The following ADGRA3 variants were observed in gnomAD, a reference collection of about 807,000 sequenced individuals.
The protein encoded by ADGRA3 is adhesion G protein-coupled receptor A3.
ADGRA3 carries 56 observed loss-of-function variants against 119.8 expected under a neutral mutation model. That is an observed-to-expected ratio of 0.47 (90% CI 0.38 to 0.58). ADGRA3 has a LOEUF of 0.58. Ranked by LOEUF, ADGRA3 falls within the 20% of genes least tolerant of loss-of-function variation. ADGRA3 has a pLI of 0.00. For synonymous variants in ADGRA3, 607 were observed against 623.8 expected (o/e 0.97, Z 0.40); for missense variants, 1,516 against 1,649.0 (o/e 0.92, Z 1.40).
At chr4:22,449,701 CCA>C (rs1351514458) in intron 4 of ADGRA3, among the ~76,000 whole-genome samples, 1 of 151,926 alleles carries the variant, frequency 6.6e-6, no homozygotes. Context: ...CAAAAATTAG[CCA>C]GGTGTGATGG....
At chr4:22,462,428 C>T (rs1560329741) in intron 2 of ADGRA3, among the ~76,000 whole-genome samples, 2 of 152,092 alleles carry the variant, frequency 1.3e-5, no homozygotes. Context: ...ATTCTCGTGC[C>T]TCAGCCTCCT....
intron 16 of ADGRA3, among the ~76,000 whole-genome samples, chr4:22,396,570 G>T (rs931345048): frequency 6.6e-6 from 1 of 152,098 alleles, no homozygotes; most frequent in African/African-American, 2.4e-5. Flanking sequence ...CAGCTACTAG[G>T]ATCTGGAATC....
In ADGRA3 at chr4:22,515,947, G is replaced by T; in HGVS notation, c.-163C>A. On this transcript the variant is annotated 5_prime_UTR_variant, in exon 1 of 19. Coordinates refer to ENST00000334304, the MANE Select transcript of ADGRA3 (RefSeq NM_145290.4). ...GCGCGGACATGCTCCTTTGTCCGCT[G>T]CGGCTGCGCTGGGCCTCTAGGGAGC... 3.5e-6 allele frequency: 1 copy of T among 289,718 alleles called. No individual in the cohort carries two copies. Among genetic ancestry groups the T allele is most frequent in the Non-Finnish European group, 5.2e-6 (1 of 194,056 alleles). The allele number at this position is 289,718 out of a possible 1,614,324, so 17.9% of individuals were successfully genotyped here.
rs756060833 is a variant in ADGRA3, at chr4:22,436,426, G to C, written c.1287+14C>G. Reference sequence around the variant, plus strand: ...TCTCCACAACCCAAGTAAACATGAAGACTTTCTAGTTACCTGATTAAACAT... The same window carrying C: ...TCTCCACAACCCAAGTAAACATGAACACTTTCTAGTTACCTGATTAAACAT... On this transcript the variant is annotated intron_variant, in intron 9 of 18. Transcript: ENST00000334304. The C allele has an allele frequency of 1.9e-6, 3 of 1,593,196 alleles. No individual in the cohort carries two copies. The highest frequency in any genetic ancestry group is 2.6e-6 in the Non-Finnish European group (3 of 1,164,476).
Position 22,442,922 on chromosome 4 carries a change from A to T in ADGRA3, c.707-59T>A, listed in dbSNP as rs898027391. The T allele has an allele frequency of 6.5e-6, 8 of 1,235,948 alleles. No individual in the cohort carries two copies. In the Admixed American group the frequency reaches 1.6e-4, roughly 24 times the overall value. 76.6% of individuals were successfully genotyped at this position (1,235,948 alleles called of 1,614,324 possible). ...ATATAATTTCCAAACACCATAATTA[A>T]AAGTTACAGAAATTCTAGGTAAAAT... On this transcript the variant is annotated intron_variant, in intron 6 of 18. Coordinates refer to ENST00000334304, the MANE Select transcript of ADGRA3 (RefSeq NM_145290.4).
At chr4:22,480,976 T>C (rs1396879296) in intron 1 of ADGRA3, among the ~76,000 whole-genome samples, 3 of 151,940 alleles carry the variant, frequency 2.0e-5, no homozygotes, top group Non-Finnish European at 4.4e-5. Context: ...GGAGTTTGAG[T>C]TTATAGTGAG....
chr4:22,513,518 CT>C (rs879714208), intron 1 of ADGRA3, among the ~76,000 whole-genome samples: 89 of 142,960 alleles, frequency 6.2e-4, no homozygotes, highest in African/African-American at 6.2e-4. Context: ...TTTTTTTTTT[CT>C]TTTTTTTTTT....
chr4:22,401,547 T>C lies in ADGRA3; in HGVS notation c.2365A>G (p.Arg789Gly). ...ATGTGCCAGCTCTTGAGGCTGATTC[T>C]AATCAAACTGTTTAAAAAAGAGAGA... ...VSYIYHHSLI[R>G]ISLKSWHMLV... The change falls in exon 16 of 19, where the codon AGA (arginine) becomes GGA (glycine). Residue 789 changes from arginine to glycine, a missense_variant. Around this residue, in one of 2 missense-constraint regions of ADGRA3, gnomAD observed 1,088 missense variants for 1,107.1 expected, o/e 0.98. Transcript: ENST00000334304. 4 of 1,602,968 alleles carry C rather than the reference T, an allele frequency of 2.5e-6. No homozygotes were observed. Among genetic ancestry groups the C allele is most frequent in the Non-Finnish European group, 3.4e-6 (4 of 1,173,386 alleles).
intron 16 of ADGRA3, 191 bp from the exon 17 acceptor site, chr4:22,392,881 T>C (rs1418471634): frequency 7.5e-6 from 4 of 530,366 alleles, no homozygotes; most frequent in Non-Finnish European, 1.3e-5. Flanking sequence ...AATCCTCAAA[T>C]ACACAAACCA....
At chr4:22,485,130 G>A (rs1040148324) in intron 1 of ADGRA3, among the ~76,000 whole-genome samples, 10 of 151,876 alleles carry the variant, frequency 6.6e-5, no homozygotes, top group South Asian at 2.1e-4. Context: ...CACCCACGCC[G>A]GCGTGAAGTG....
At chr4:22,397,490 G>A (rs575329425) in intron 16 of ADGRA3, among the ~76,000 whole-genome samples, 1 of 152,248 alleles carries the variant, frequency 6.6e-6, no homozygotes, top group Admixed American at 6.5e-5. Context: ...AGTCCAGGGA[G>A]AGCTTAGAGT....
At chr4:22,456,283 G>A (rs1330306739) in intron 3 of ADGRA3, among the ~76,000 whole-genome samples, 1 of 152,146 alleles carries the variant, frequency 6.6e-6, no homozygotes, top group Non-Finnish European at 1.5e-5. Context: ...GTGAAGCATT[G>A]GTTTGGGTGT....
intron 10 of ADGRA3, among the ~76,000 whole-genome samples, chr4:22,426,554 A>C (rs533063675): frequency 2.8e-4 from 43 of 152,350 alleles, no homozygotes; most frequent in African/African-American, 1.0e-3. Flanking sequence ...GAAAGAAACA[A>C]GCTCTATCTT....
At chr4:22,394,413 C>T (rs1451936477) in intron 16 of ADGRA3, 1 of 152,164 alleles carries the variant, frequency 6.6e-6, no homozygotes, top group African/African-American at 2.4e-5. Flanking sequence ...AGAAAAGTGG[C>T]TTCATGGTTC....
intron 14 of ADGRA3, among the ~76,000 whole-genome samples, chr4:22,403,876 C>G (rs2109010482): frequency 6.6e-6 from 1 of 152,276 alleles, no homozygotes; most frequent in East Asian, 1.9e-4. Context: ...ATGTTATTAG[C>G]CCCATTTTAT....
At chr4:22,430,602 T>C (rs926470175) in intron 10 of ADGRA3, among the ~76,000 whole-genome samples, 3 of 152,094 alleles carry the variant, frequency 2.0e-5, no homozygotes, top group Non-Finnish European at 4.4e-5. Flanking sequence ...CATTCCATTT[T>C]ATAAGAAAAG....
At position 22,442,672 on chromosome 4, in the gene ADGRA3, G is replaced by C; in HGVS notation, c.898C>G (p.His300Asp). The C allele has an allele frequency of 6.2e-7, 1 of 1,610,480 alleles. No individual in the cohort carries two copies. The highest frequency in any genetic ancestry group is 8.5e-7 in the Non-Finnish European group (1 of 1,177,770). ...QGIFVEKNMI[H>D]NCSLIASALT... ...TACCTTGCAATCAAGGAGCAGTTGTGAATCATGTTCTTTTCAACAAAAATA... is the reference window on the plus strand; with the variant it reads ...TACCTTGCAATCAAGGAGCAGTTGTCAATCATGTTCTTTTCAACAAAAATA... The change falls in exon 7 of 19, where the codon CAC (histidine) becomes GAC (aspartate). Residue 300 changes from histidine to aspartate, a missense_variant. This residue lies in a region of ADGRA3 where 428 missense variants were observed against 541.9 expected (regional missense o/e 0.79). Coordinates refer to ENST00000334304, the MANE Select transcript of ADGRA3 (RefSeq NM_145290.4).
chr4:22,388,670 G>C lies in ADGRA3; in HGVS notation c.3001C>G (p.Leu1001Val). 9 of 1,614,024 alleles carry C rather than the reference G, an allele frequency of 5.6e-6. No homozygotes were observed. The highest frequency in any genetic ancestry group is 7.6e-6 in the Non-Finnish European group (9 of 1,179,992). Residue 1001 changes from leucine to valine, a missense_variant, in exon 19 of 19, where the codon CTT becomes GTT. This residue lies in a region of ADGRA3 where 1,088 missense variants were observed against 1,107.1 expected (regional missense o/e 0.98). Transcript: ENST00000334304. The part of the protein sequence containing the change: ...TFHSQLLGAS[L>V]TLLLYVALWM... ...AGTGCAACATATAAGAGCAAAGTAA[G>C]GCTGGCCCCCAAGAGCTGAGAATGA...
chr4:22,466,525 G>A (rs974661061), intron 2 of ADGRA3, among the ~76,000 whole-genome samples: 5 of 152,084 alleles, frequency 3.3e-5, no homozygotes, highest in Non-Finnish European at 7.3e-5. Context: ...TCAGGAGTTC[G>A]AGAACAGCCT....
Sources: allele counts gnomAD v4.1 joint callset (sites outside exome capture counted in the v4.1 genomes callset), GRCh38; gene constraint gnomAD v4.1.1; regional missense constraint gnomAD v4.1.1; transcripts MANE v1.5; gene names NCBI Gene and HGNC (gene_info 2026-07-23, HGNC 2026-07-21).